The following LHFPL3 variants were observed in gnomAD, a reference collection of about 807,000 sequenced individuals.
LHFPL3 encodes the protein LHFPL tetraspan subfamily member 3 protein.
Under a neutral mutation model 19.3 loss-of-function variants are expected in LHFPL3, and 5 were observed. That is an observed-to-expected ratio of 0.26 (90% confidence interval 0.14 to 0.54). The LOEUF is 0.54. LHFPL3 is among the 20% of genes least tolerant of loss of function. LHFPL3 has a pLI of 0.94. For missense variants in LHFPL3, 249 were observed against 307.4 expected, an observed-to-expected ratio of 0.81 and a Z score of 1.42; for synonymous variants, 133 against 126.2, an observed-to-expected ratio of 1.05 and a Z score of -0.36.
chr7:104,792,309 A>G (rs574885190), intron 2 of LHFPL3, among the ~76,000 whole-genome samples: 14 of 152,308 alleles, frequency 9.2e-5, no homozygotes, highest in Admixed American at 4.6e-4. Flanking sequence ...AAAAATTCCA[A>G]GCAAACTCCT....
chr7:104,819,037 G>A (rs1450188261), intron 2 of LHFPL3, among the ~76,000 whole-genome samples: 2 of 151,966 alleles, frequency 1.3e-5, no homozygotes, highest in African/African-American at 4.8e-5. Context: ...CCCTATTGTG[G>A]CATTCATAAT....
At chr7:104,726,777 G>A (rs369488235) in intron 1 of LHFPL3, among the ~76,000 whole-genome samples, 87 of 152,236 alleles carry the variant, frequency 5.7e-4, no homozygotes, top group African/African-American at 2.0e-3. Flanking sequence ...ATTGTGAACA[G>A]TGCTGCAATA....
At chr7:104,652,252 T>C (rs1317398702) in intron 1 of LHFPL3, among the ~76,000 whole-genome samples, 1 of 151,866 alleles carries the variant, frequency 6.6e-6, no homozygotes, top group Non-Finnish European at 1.5e-5. Context: ...AATGAGGGTG[T>C]GTAGAGTATG....
chr7:104,756,538 C>T (rs369324428), intron 2 of LHFPL3, among the ~76,000 whole-genome samples: 33 of 152,152 alleles, frequency 2.2e-4, no homozygotes, highest in African/African-American at 8.0e-4. Context: ...CTCACTCTGT[C>T]ACTCAGGCTG....
At chr7:104,889,724 A>G (rs1489234224) in intron 2 of LHFPL3, among the ~76,000 whole-genome samples, 1 of 152,218 alleles carries the variant, frequency 6.6e-6, no homozygotes, top group Non-Finnish European at 1.5e-5. Flanking sequence ...TCTTTATATG[A>G]ACAAAGTTTA....
At chr7:104,566,969 A>C (rs1481618654) in intron 1 of LHFPL3, among the ~76,000 whole-genome samples, 1 of 152,180 alleles carries the variant, frequency 6.6e-6, no homozygotes, top group African/African-American at 2.4e-5. Flanking sequence ...TTTGTGGCTC[A>C]TTTCTCACTC....
chr7:104,818,780 TTCTC>T lies in LHFPL3; in HGVS notation c.682+81888_682+81891del, dbSNP rs147373563. Reference sequence around the variant, plus strand: ...TTTGTTTTAATAAGCCCTTTCTCCTTTCTCTCTCTCTCTCTCTCTCTCACTCACT... The same window carrying T: ...TTTGTTTTAATAAGCCCTTTCTCCTTTCTCTCTCTCTCTCTCTCACTCACT... On this transcript the variant is annotated intron_variant, in intron 2 of 2. Coordinates refer to ENST00000424859, the MANE Select transcript of LHFPL3 (RefSeq NM_199000.3). 6.3e-3 allele frequency among the ~76,000 whole-genome samples: 932 copies of T among 148,382 alleles called. 9 individuals are homozygous for T. Among genetic ancestry groups the T allele is most frequent in the African/African-American group, 0.014 (561 of 40,638 alleles).
intron 2 of LHFPL3, among the ~76,000 whole-genome samples, chr7:104,842,098 G>C (rs549708626): frequency 1.3e-5 from 2 of 151,272 alleles, no homozygotes; most frequent in South Asian, 4.2e-4. Flanking sequence ...CACTTTTATA[G>C]AGGATTAAAA....
intron 1 of LHFPL3, among the ~76,000 whole-genome samples, chr7:104,495,792 G>C (rs1793462381): frequency 6.6e-6 from 1 of 152,026 alleles, no homozygotes; most frequent in South Asian, 2.1e-4. Flanking sequence ...TAAAGTGCTG[G>C]GATTACAGGT....
intron 2 of LHFPL3, among the ~76,000 whole-genome samples, chr7:104,808,490 C>T (rs1053702318): frequency 5.9e-5 from 9 of 152,124 alleles, no homozygotes; most frequent in South Asian, 4.1e-4. Flanking sequence ...TGACTAGCTG[C>T]GGCGCAATAA....
At chr7:104,616,899 A>G (rs1791356903) in intron 1 of LHFPL3, among the ~76,000 whole-genome samples, 1 of 152,240 alleles carries the variant, frequency 6.6e-6, no homozygotes, top group Non-Finnish European at 1.5e-5. Flanking sequence ...ATATGAAAAA[A>G]AAGGTCATCA....
intron 1 of LHFPL3, among the ~76,000 whole-genome samples, chr7:104,483,858 C>T (rs1793185671): frequency 6.6e-6 from 1 of 152,156 alleles, no homozygotes; most frequent in East Asian, 1.9e-4. Context: ...ACTCCTGGTT[C>T]AAGCGATCCT....
intron 1 of LHFPL3, among the ~76,000 whole-genome samples, chr7:104,400,140 A>AAAAAAAAAAAAAAC (rs1791285212): frequency 7.4e-6 from 1 of 135,588 alleles, no homozygotes; most frequent in Non-Finnish European, 1.6e-5. Context: ...AAAAAAAAAA[A>AAAAAAAAAAAAAAC]AAAAAAAGAC....
intron 1 of LHFPL3, among the ~76,000 whole-genome samples, chr7:104,534,750 G>A (rs116079712): frequency 0.013 from 1,946 of 152,050 alleles, 39 homozygotes; most frequent in African/African-American, 0.045. Context: ...ATATCCTCAC[G>A]TAGTCATCAC....
chr7:104,509,661 T>G (rs1793772200), intron 1 of LHFPL3, among the ~76,000 whole-genome samples: 1 of 152,102 alleles, frequency 6.6e-6, no homozygotes, highest in East Asian at 1.9e-4. Context: ...ATGCTTTGCC[T>G]GTAAAACCAA....
chr7:104,398,204 C>G (rs1791233142), intron 1 of LHFPL3, among the ~76,000 whole-genome samples: 1 of 152,126 alleles, frequency 6.6e-6, no homozygotes. Context: ...GGACCAACAT[C>G]TTGTAACAAG....
chr7:104,561,982 C>A (rs1165925648), intron 1 of LHFPL3, among the ~76,000 whole-genome samples: 1 of 152,026 alleles, frequency 6.6e-6, no homozygotes, highest in Non-Finnish European at 1.5e-5. Flanking sequence ...GTTGAAAATT[C>A]TTTTCTTTAA....
chr7:104,550,480 C>T (rs1213043207), intron 1 of LHFPL3, among the ~76,000 whole-genome samples: 1 of 152,088 alleles, frequency 6.6e-6, no homozygotes, highest in Non-Finnish European at 1.5e-5. Context: ...GCAACCATTA[C>T]ATCATGAGTC....
chr7:104,653,248 A>G (rs1285893004), intron 1 of LHFPL3, among the ~76,000 whole-genome samples: 1 of 152,242 alleles, frequency 6.6e-6, no homozygotes, highest in Non-Finnish European at 1.5e-5. Flanking sequence ...AAGAGGGGTC[A>G]AAGTTTGGTC....
Sources: gnomAD v4.1 joint callset for allele counts (sites outside exome capture counted in the v4.1 genomes callset) on GRCh38, gnomAD v4.1.1 for gene constraint, MANE v1.5 for transcripts, NCBI Gene and HGNC (gene_info 2026-07-23, HGNC 2026-07-21) for gene names.